The following LHFPL6 variants were observed in gnomAD, a reference collection of about 807,000 sequenced individuals.
LHFPL6 encodes LHFPL tetraspan subfamily member 6.
In LHFPL6, 9 loss-of-function variants were observed where a neutral mutation model predicts 20.6. The ratio of observed to expected loss-of-function variants is 0.44; its 90% CI spans 0.26 to 0.76. LHFPL6 has a LOEUF of 0.76. Ranked by LOEUF, LHFPL6 falls within the 30% of genes least tolerant of loss-of-function variation. The pLI is 0.20. For missense variants in LHFPL6, 218 were observed against 253.5 expected, an observed-to-expected ratio of 0.86 and a Z score of 0.95; for synonymous variants, 105 against 98.7, an observed-to-expected ratio of 1.06 and a Z score of -0.38.
rs1228621948 is a variant in LHFPL6 at position 39,343,223 on chromosome 13, A to T, written c.*713T>A. 1 of 213,048 alleles carries T rather than the reference A, an allele frequency of 4.7e-6. No homozygotes were observed. Among genetic ancestry groups the T allele is most frequent in the African/African-American group, 2.3e-5 (1 of 44,294 alleles). 13.2% of individuals were successfully genotyped at this position (213,048 alleles called of 1,614,324 possible). On this transcript the variant is annotated 3_prime_UTR_variant, in exon 4 of 4. Coordinates refer to ENST00000379589, the MANE Select transcript of LHFPL6 (RefSeq NM_005780.3). ...CTGCATAAACACTGAAAATATGTTG[A>T]GGAACTAAATTAGAGTTTATGCAGG...
intron 2 of LHFPL6, among the ~76,000 whole-genome samples, chr13:39,451,166 T>TTTTG (rs35540813): frequency 0.54 from 81,581 of 151,558 alleles, 22,877 homozygotes; most frequent in East Asian, 0.9. Context: ...ATGAGATCCA[T>TTTTG]TTTGTTTGTT....
chr13:39,602,709 C>G (rs909412490), intron 1 of LHFPL6, among the ~76,000 whole-genome samples, 174 bp downstream of exon 1: 5 of 152,200 alleles, frequency 3.3e-5, no homozygotes, highest in Admixed American at 6.5e-5. Flanking sequence ...AAGGCAGCAC[C>G]CCCCGGAGGC....
chr13:39,381,452 T>C (rs1870434409), intron 2 of LHFPL6, among the ~76,000 whole-genome samples: 1 of 152,128 alleles, frequency 6.6e-6, no homozygotes, highest in African/African-American at 2.4e-5. Flanking sequence ...TTTCTTTTTC[T>C]TCCTTCTCTC....
chr13:39,529,832 G>C (rs933396528), intron 2 of LHFPL6, among the ~76,000 whole-genome samples: 1 of 152,178 alleles, frequency 6.6e-6, no homozygotes, highest in African/African-American at 2.4e-5. Flanking sequence ...AATCCAAAAG[G>C]AGGAAACACA....
chr13:39,404,835 C>T (rs1016108135), intron 2 of LHFPL6, among the ~76,000 whole-genome samples: 2 of 152,174 alleles, frequency 1.3e-5, no homozygotes, highest in African/African-American at 4.8e-5. Context: ...ATCACAGCAT[C>T]TAAGCATCTG....
At chr13:39,576,423 G>T (rs143777186) in intron 2 of LHFPL6, among the ~76,000 whole-genome samples, 1 of 152,246 alleles carries the variant, frequency 6.6e-6, no homozygotes, top group Non-Finnish European at 1.5e-5. Flanking sequence ...TTAAATAGCT[G>T]TTCTCCCTAT....
At chr13:39,477,604 T>C (rs560532796) in intron 2 of LHFPL6, among the ~76,000 whole-genome samples, 1 of 152,300 alleles carries the variant, frequency 6.6e-6, no homozygotes, top group East Asian at 1.9e-4. Context: ...TTTTAGAGCA[T>C]GCGAGAATTC....
At chr13:39,601,914 T>C (rs1566152287) in intron 1 of LHFPL6, among the ~76,000 whole-genome samples, 1 of 152,212 alleles carries the variant, frequency 6.6e-6, no homozygotes, top group Non-Finnish European at 1.5e-5. Flanking sequence ...CATTATGGTC[T>C]GCGGAGGCAC....
chr13:39,556,153 G>A (rs995919164), intron 2 of LHFPL6, among the ~76,000 whole-genome samples: 2 of 152,144 alleles, frequency 1.3e-5, no homozygotes, highest in East Asian at 1.9e-4. Flanking sequence ...TCAATAAAAC[G>A]TCTTTATTAA....
intron 2 of LHFPL6, among the ~76,000 whole-genome samples, chr13:39,415,670 T>C (rs941996614): frequency 1.3e-5 from 2 of 152,184 alleles, no homozygotes; most frequent in African/African-American, 2.4e-5. Context: ...GCTGGGGCAG[T>C]GTCTGGCTCA....
chr13:39,354,144 G>C (rs1471820169), intron 3 of LHFPL6, among the ~76,000 whole-genome samples: 2 of 152,164 alleles, frequency 1.3e-5, no homozygotes, highest in East Asian at 1.9e-4. Flanking sequence ...CACTGAGTAA[G>C]AGCCTATCTG....
chr13:39,354,195 T>C (rs899697857), intron 3 of LHFPL6, among the ~76,000 whole-genome samples: 1 of 152,172 alleles, frequency 6.6e-6, no homozygotes, highest in Non-Finnish European at 1.5e-5. Flanking sequence ...GATTGCAGCC[T>C]GAATTACACC....
At chr13:39,441,063 C>T (rs1872113664) in intron 2 of LHFPL6, among the ~76,000 whole-genome samples, 1 of 151,122 alleles carries the variant, frequency 6.6e-6, no homozygotes, top group Non-Finnish European at 1.5e-5. Context: ...ATGTCTTTAA[C>T]AGCAGCATGA....
intron 2 of LHFPL6, among the ~76,000 whole-genome samples, chr13:39,422,050 G>T (rs1871505434): frequency 6.6e-6 from 1 of 152,150 alleles, no homozygotes; most frequent in Non-Finnish European, 1.5e-5. Context: ...AAGTCTTCAG[G>T]AGATGATCAT....
chr13:39,587,822 G>A (rs1355723081), intron 2 of LHFPL6, among the ~76,000 whole-genome samples: 1 of 152,012 alleles, frequency 6.6e-6, no homozygotes, highest in Non-Finnish European at 1.5e-5. Context: ...GAGAGGACTG[G>A]GCTTCCTGAC....
intron 2 of LHFPL6, among the ~76,000 whole-genome samples, chr13:39,379,840 C>G (rs1276791895): frequency 1.3e-5 from 2 of 152,162 alleles, no homozygotes; most frequent in African/African-American, 4.8e-5. Context: ...CATGAAGGGC[C>G]TTCTATATGC....
At chr13:39,405,022 T>C (rs2095639347) in intron 2 of LHFPL6, among the ~76,000 whole-genome samples, 3 of 152,206 alleles carry the variant, frequency 2.0e-5, no homozygotes, top group Admixed American at 2.0e-4. Flanking sequence ...GAGAAAAAAC[T>C]TGTAATCTCT....
At chr13:39,344,145 A>G in intron 3 of LHFPL6, 91 bp from the exon 4 acceptor site, 1 of 955,336 alleles carries the variant, frequency 1.0e-6, no homozygotes, top group Non-Finnish European at 1.6e-6. Flanking sequence ...TGGGTTCTGA[A>G]ACACCCTTTA....
At chr13:39,598,360 T>C (rs914805630) in intron 2 of LHFPL6, among the ~76,000 whole-genome samples, 1 of 152,012 alleles carries the variant, frequency 6.6e-6, no homozygotes, top group Non-Finnish European at 1.5e-5. Flanking sequence ...ACTTTTTCCA[T>C]ATTTCAAGTT....
Sources: gnomAD v4.1 joint callset for allele counts (sites outside exome capture counted in the v4.1 genomes callset) on GRCh38, gnomAD v4.1.1 for gene constraint, MANE v1.5 for transcripts, NCBI Gene and HGNC (gene_info 2026-07-23, HGNC 2026-07-21) for gene names.